The following ZNF536 variants were observed in gnomAD, a reference collection of about 807,000 sequenced individuals.
ZNF536 encodes zinc finger protein 536.
A neutral mutation model predicts 84.5 loss-of-function variants in ZNF536; 13 were observed. The ratio of observed to expected loss-of-function variants is 0.15; its 90% CI spans 0.10 to 0.24. ZNF536 has a LOEUF of 0.24. Among genes scored for constraint, ZNF536 ranks in the 10% least tolerant of loss-of-function variants. ZNF536 has a pLI of 1.00. For synonymous variants in ZNF536, 811 were observed against 742.5 expected, an observed-to-expected ratio of 1.09 and a Z score of -1.50; for missense variants, 1,536 against 1,747.5, an observed-to-expected ratio of 0.88 and a Z score of 2.16.
At chr19:30,427,841 C>T (rs894716973) in intron 1 of ZNF536, among the ~76,000 whole-genome samples, 1 of 152,160 alleles carries the variant, frequency 6.6e-6, no homozygotes, top group Non-Finnish European at 1.5e-5. Flanking sequence ...CCGGTTCCAC[C>T]TTGGGTGTGA....
At chr19:30,522,756 A>C (rs2044411888) in intron 2 of ZNF536, among the ~76,000 whole-genome samples, 1 of 152,166 alleles carries the variant, frequency 6.6e-6, no homozygotes, top group Non-Finnish European at 1.5e-5. Context: ...TTCATTCTGG[A>C]AATCCAAATA....
Position 30,390,700 on chromosome 19 carries a change from A to G in ZNF536, c.-3+18144A>G, listed in dbSNP as rs556546934. On this transcript the variant is annotated intron_variant, in intron 1 of 4. Transcript: ENST00000355537. The stretch of plus-strand genomic sequence containing the variant: ...CTTAGAAACAGTCCATGGCAAAGTC[A>G]GGGATCCCCACTGGCAGAGCAGGAG... Among the ~76,000 whole-genome samples, 12 of 152,338 alleles carry G rather than the reference A, an allele frequency of 7.9e-5. No homozygotes were observed. In the South Asian group the frequency reaches 2.5e-3, roughly 32 times the overall value.
intron 1 of ZNF536, among the ~76,000 whole-genome samples, chr19:30,608,363 A>G (rs748853804): frequency 2.0e-5 from 3 of 152,058 alleles, no homozygotes; most frequent in Non-Finnish European, 4.4e-5. Context: ...ACTTCTTGGG[A>G]TAATAAGCAG....
intron 2 of ZNF536, among the ~76,000 whole-genome samples, chr19:30,484,204 T>C (rs963287666): frequency 1.9e-4 from 29 of 150,880 alleles, no homozygotes; most frequent in Non-Finnish European, 1.5e-5. Flanking sequence ...TTCATCAGTG[T>C]GGGGTGTTTT....
At chr19:30,511,449 A>C (rs1218319316) in intron 2 of ZNF536, among the ~76,000 whole-genome samples, 1 of 152,186 alleles carries the variant, frequency 6.6e-6, no homozygotes, top group Non-Finnish European at 1.5e-5. Flanking sequence ...TTTACAGTTT[A>C]TGTTTTCCAC....
intron 2 of ZNF536, among the ~76,000 whole-genome samples, chr19:30,315,818 A>G (rs2046659553): frequency 6.6e-6 from 1 of 152,214 alleles, no homozygotes; most frequent in Non-Finnish European, 1.5e-5. Flanking sequence ...TCACAAAAAG[A>G]AAATCATGCA....
intron 4 of ZNF536, among the ~76,000 whole-genome samples, chr19:30,552,490 A>G (rs1253775231): frequency 3.3e-5 from 5 of 152,228 alleles, no homozygotes; most frequent in African/African-American, 7.2e-5. Flanking sequence ...CAAATCATAT[A>G]AACTCCCCAC....
intron 1 of ZNF536, among the ~76,000 whole-genome samples, chr19:30,233,791 C>A (rs1279951478): frequency 6.6e-6 from 1 of 152,120 alleles, no homozygotes; most frequent in East Asian, 1.9e-4. Context: ...TAGGATTAGA[C>A]CCATCCTTTA....
At chr19:30,438,520 G>A (rs960721884) in intron 1 of ZNF536, among the ~76,000 whole-genome samples, 1 of 152,186 alleles carries the variant, frequency 6.6e-6, no homozygotes, top group African/African-American at 2.4e-5. Flanking sequence ...TTGGGGGTGG[G>A]CTGTGGCAGG....
At chr19:30,511,115 C>T (rs781508638) in intron 2 of ZNF536, among the ~76,000 whole-genome samples, 3 of 152,086 alleles carry the variant, frequency 2.0e-5, no homozygotes, top group South Asian at 2.1e-4. Context: ...GGAGGGGAGC[C>T]GTGGGTAAGA....
chr19:30,510,417 C>G (rs1192468209), intron 2 of ZNF536, among the ~76,000 whole-genome samples: 2 of 152,210 alleles, frequency 1.3e-5, no homozygotes, highest in Non-Finnish European at 2.9e-5. Context: ...ACCTAGCCAG[C>G]CTCTGACAGT....
At chr19:30,590,193 C>T (rs1383046320) in intron 1 of ZNF536, among the ~76,000 whole-genome samples, 1 of 152,146 alleles carries the variant, frequency 6.6e-6, no homozygotes, top group African/African-American at 2.4e-5. Flanking sequence ...GAGCCTTGAC[C>T]CCCTCAGTGG....
chr19:30,265,948 T>C (rs2025490099), intron 1 of ZNF536, among the ~76,000 whole-genome samples: 1 of 151,818 alleles, frequency 6.6e-6, no homozygotes. Flanking sequence ...TGGAGTGCAA[T>C]GGTGTGATCA....
chr19:30,280,091 C>A (rs554897451), intron 1 of ZNF536, among the ~76,000 whole-genome samples: 11 of 152,244 alleles, frequency 7.2e-5, no homozygotes, highest in South Asian at 6.2e-4. Context: ...AGCCCTCGCA[C>A]CTTTCCTCCC....
At chr19:30,240,535 G>A (rs1172666653) in intron 1 of ZNF536, among the ~76,000 whole-genome samples, 1 of 152,226 alleles carries the variant, frequency 6.6e-6, no homozygotes, top group Non-Finnish European at 1.5e-5. Context: ...CTCTGCCTGG[G>A]AGGAGGCCCA....
At chr19:30,595,980 G>T (rs948917004) in intron 1 of ZNF536, among the ~76,000 whole-genome samples, 1 of 152,162 alleles carries the variant, frequency 6.6e-6, no homozygotes, top group Non-Finnish European at 1.5e-5. Flanking sequence ...AGGACCCAGA[G>T]AAGCCCCCAT....
chr19:30,261,226 A>G (rs2025196166), intron 1 of ZNF536, among the ~76,000 whole-genome samples: 2 of 125,000 alleles, frequency 1.6e-5, no homozygotes, highest in Non-Finnish European at 3.2e-5. Flanking sequence ...TGAACCCGGG[A>G]GGCGGAGCTT....
chr19:30,551,842 G>A (rs1185776552), intron 4 of ZNF536, among the ~76,000 whole-genome samples: 1 of 152,142 alleles, frequency 6.6e-6, no homozygotes, highest in Non-Finnish European at 1.5e-5. Flanking sequence ...TGGGGGTGGG[G>A]CCACTGCCCT....
At chr19:30,667,103 C>T (rs1327963608) in intron 1 of ZNF536, among the ~76,000 whole-genome samples, 1 of 152,164 alleles carries the variant, frequency 6.6e-6, no homozygotes, top group African/African-American at 2.4e-5. Context: ...GCTGGGCCCT[C>T]TTGTCTAAAC....
Sources: gnomAD v4.1 joint callset for allele counts (sites outside exome capture counted in the v4.1 genomes callset) on GRCh38, gnomAD v4.1.1 for gene constraint, MANE v1.5 for transcripts, NCBI Gene and HGNC (gene_info 2026-07-23, HGNC 2026-07-21) for gene names.